The following GRID1 variants were observed in gnomAD, a reference collection of about 807,000 sequenced individuals.
GRID1 encodes the protein glutamate ionotropic receptor delta type subunit 1.
GRID1 carries 28 observed loss-of-function variants against 98.0 expected under a neutral mutation model. The ratio of observed to expected loss-of-function variants is 0.29; its 90% CI spans 0.21 to 0.39. The LOEUF (loss-of-function observed/expected upper bound fraction) is 0.39. Among genes scored for constraint, GRID1 ranks in the 10% least tolerant of loss-of-function variants. The pLI is 1.00. For missense variants in GRID1, 1,111 were observed against 1,340.5 expected, an observed-to-expected ratio of 0.83 and a Z score of 2.67; for synonymous variants, 553 against 538.5, an observed-to-expected ratio of 1.03 and a Z score of -0.37.
At chr10:86,124,083 C>T (rs551505995) in intron 4 of GRID1, among the ~76,000 whole-genome samples, 1 of 152,226 alleles carries the variant, frequency 6.6e-6, no homozygotes, top group Non-Finnish European at 1.5e-5. Context: ...GGCTCCCTGT[C>T]AGCTGACAAC....
chr10:86,267,908 G>A (rs535280733), intron 2 of GRID1, among the ~76,000 whole-genome samples: 1 of 152,326 alleles, frequency 6.6e-6, no homozygotes, highest in African/African-American at 2.4e-5. Flanking sequence ...CCTCACTAGG[G>A]ATTTCTTAGC....
intron 4 of GRID1, among the ~76,000 whole-genome samples, chr10:86,024,143 A>G (rs958646082): frequency 6.6e-6 from 1 of 152,188 alleles, no homozygotes; most frequent in African/African-American, 2.4e-5. Context: ...CAGGGTTGGA[A>G]TGGGCAGTCC....
intron 8 of GRID1, among the ~76,000 whole-genome samples, chr10:85,821,009 C>A (rs1431252719): frequency 1.3e-5 from 2 of 151,968 alleles, no homozygotes; most frequent in Non-Finnish European, 2.9e-5. Context: ...AATCTAGAAA[C>A]AATGCAAATG....
At chr10:86,293,472 T>C (rs1431868047) in intron 2 of GRID1, among the ~76,000 whole-genome samples, 12 of 152,172 alleles carry the variant, frequency 7.9e-5, no homozygotes, top group Admixed American at 7.9e-4. Flanking sequence ...GAAGAGCCAT[T>C]TGATTTGATT....
intron 8 of GRID1, among the ~76,000 whole-genome samples, chr10:85,791,746 G>C (rs1842482732): frequency 6.6e-6 from 1 of 152,152 alleles, no homozygotes; most frequent in South Asian, 2.1e-4. Flanking sequence ...TCTCAAAAAA[G>C]TTACAGAGAA....
chr10:86,082,123 T>C (rs1320395123), intron 4 of GRID1, among the ~76,000 whole-genome samples: 2 of 152,210 alleles, frequency 1.3e-5, no homozygotes, highest in Non-Finnish European at 2.9e-5. Context: ...ACTGTACTTT[T>C]TCCTCAATTT....
At chr10:86,204,876 A>G (rs1019628382) in intron 3 of GRID1, among the ~76,000 whole-genome samples, 1 of 151,800 alleles carries the variant, frequency 6.6e-6, no homozygotes, top group Non-Finnish European at 1.5e-5. Flanking sequence ...TTTGGGGTTG[A>G]GCCACCAGCC....
At chr10:86,309,118 T>A (rs932115457) in intron 2 of GRID1, among the ~76,000 whole-genome samples, 4 of 152,212 alleles carry the variant, frequency 2.6e-5, no homozygotes, top group African/African-American at 9.6e-5. Context: ...AAACTTGTCT[T>A]AGTACTTAGG....
intron 8 of GRID1, among the ~76,000 whole-genome samples, chr10:85,784,694 T>C (rs1428502540): frequency 6.6e-6 from 1 of 152,192 alleles, no homozygotes; most frequent in African/African-American, 2.4e-5. Flanking sequence ...GAGCCCATCT[T>C]AAGCTGATGG....
intron 13 of GRID1, among the ~76,000 whole-genome samples, chr10:85,632,540 A>G (rs1258547980): frequency 6.6e-6 from 1 of 152,230 alleles, no homozygotes; most frequent in East Asian, 1.9e-4. Context: ...CCACCCTTTG[A>G]GAACTACACT....
At chr10:86,359,337 G>A (rs1434542631) in intron 2 of GRID1, among the ~76,000 whole-genome samples, 1 of 152,188 alleles carries the variant, frequency 6.6e-6, no homozygotes, top group East Asian at 1.9e-4. Flanking sequence ...GATGCCGGAA[G>A]CCATCAGAGC....
intron 12 of GRID1, among the ~76,000 whole-genome samples, chr10:85,721,851 C>A (rs1173043663): frequency 6.6e-6 from 1 of 152,098 alleles, no homozygotes; most frequent in Non-Finnish European, 1.5e-5. Context: ...TACATATACA[C>A]AGACACACAG....
At chr10:85,911,529 G>C (rs1203222627) in intron 5 of GRID1, among the ~76,000 whole-genome samples, 3 of 152,168 alleles carry the variant, frequency 2.0e-5, no homozygotes, top group African/African-American at 4.8e-5. Context: ...CTGACCCACA[G>C]ATCACCTCTT....
intron 5 of GRID1, among the ~76,000 whole-genome samples, chr10:85,887,392 T>C (rs1250896106): frequency 2.0e-5 from 3 of 152,222 alleles, no homozygotes; most frequent in Admixed American, 2.0e-4. Flanking sequence ...GGGGTATGCA[T>C]GAGTCTCCCT....
At chr10:85,792,804 AATGAC>A (rs1225591762) in intron 8 of GRID1, among the ~76,000 whole-genome samples, 1 of 152,142 alleles carries the variant, frequency 6.6e-6, no homozygotes, top group Non-Finnish European at 1.5e-5. Context: ...AGTAGGCCAC[AATGAC>A]CCTTATTCTG....
intron 4 of GRID1, among the ~76,000 whole-genome samples, chr10:86,004,686 T>A (rs935421107): frequency 6.6e-6 from 1 of 151,702 alleles, no homozygotes; most frequent in Non-Finnish European, 1.5e-5. Context: ...GTGAGCCGAT[T>A]CCTTAAAATC....
intron 13 of GRID1, among the ~76,000 whole-genome samples, chr10:85,642,127 G>T (rs2132546986): frequency 6.6e-6 from 1 of 152,294 alleles, no homozygotes; most frequent in East Asian, 1.9e-4. Context: ...AGATATTTTA[G>T]GCTTTGTGGG....
intron 4 of GRID1, among the ~76,000 whole-genome samples, chr10:86,048,682 G>A (rs887264861): frequency 2.6e-5 from 4 of 152,242 alleles, no homozygotes; most frequent in Admixed American, 6.5e-5. Context: ...AATACCATGT[G>A]AAGGGGTGGA....
chr10:86,169,846 C>G (rs941615876), intron 3 of GRID1, among the ~76,000 whole-genome samples: 1 of 152,202 alleles, frequency 6.6e-6, no homozygotes, highest in Non-Finnish European at 1.5e-5. Context: ...AACAGCCCAG[C>G]GGCAGCCCAT....
Sources: gnomAD v4.1 joint callset for allele counts (sites outside exome capture counted in the v4.1 genomes callset) on GRCh38, gnomAD v4.1.1 for gene constraint, MANE v1.5 for transcripts, NCBI Gene and HGNC (gene_info 2026-07-23, HGNC 2026-07-21) for gene names.